Variants in FAM135A observed in about 807,000 individuals in gnomAD.
The protein encoded by FAM135A is family with sequence similarity 135 member A, also known as protein FAM135A.
In FAM135A, 79 loss-of-function variants were observed where a neutral mutation model predicts 146.8. The ratio of observed to expected loss-of-function variants is 0.54; its 90% CI spans 0.45 to 0.65. The LOEUF (loss-of-function observed/expected upper bound fraction) is 0.65. Among genes scored for constraint, FAM135A ranks in the 30% least tolerant of loss-of-function variants. The pLI, the probability that FAM135A is intolerant of heterozygous loss-of-function variation, is 0.00. For synonymous variants in FAM135A, 562 were observed against 603.6 expected (o/e 0.93, Z 1.01); for missense variants, 1,623 against 1,758.2 (o/e 0.92, Z 1.38).
rs541373726 is a variant in FAM135A, at chr6:70,440,324, A to G, written c.77+11905A>G. On this transcript the variant is annotated intron_variant, in intron 4 of 21. Coordinates refer to ENST00000418814, the MANE Select transcript of FAM135A (RefSeq NM_001162529.3). Reference sequence around the variant, plus strand: ...TAATGGACCCATTAAACAGTTCCCTATCACTTAATTGATGGTACCCATTGA... The same window carrying G: ...TAATGGACCCATTAAACAGTTCCCTGTCACTTAATTGATGGTACCCATTGA... Among the ~76,000 whole-genome samples, 37 of 152,266 alleles carry G rather than the reference A, an allele frequency of 2.4e-4. No homozygotes were observed. The South Asian group carries it at 7.5e-3, about 31-fold the overall frequency.
At chr6:70,548,324 G>A (rs1417653380) in intron 20 of FAM135A, among the ~76,000 whole-genome samples, 1 of 152,104 alleles carries the variant, frequency 6.6e-6, no homozygotes, top group South Asian at 2.1e-4. Context: ...CTAGAAAACT[G>A]GTTACCAAGT....
intron 10 of FAM135A, among the ~76,000 whole-genome samples, chr6:70,485,982 A>G (rs1184693258): frequency 6.6e-6 from 1 of 152,256 alleles, no homozygotes; most frequent in Admixed American, 6.5e-5. Context: ...TGGCACATAC[A>G]TTTAAATTAA....
At position 70,472,978 on chromosome 6, in the gene FAM135A, T is replaced by G. The variant is rs141492540; in HGVS notation, c.158-2432T>G. Among the ~76,000 whole-genome samples, 60 of 152,334 alleles carry G rather than the reference T, an allele frequency of 3.9e-4. 1 individual carries two copies. In the East Asian group the frequency reaches 9.6e-3, roughly 24 times the overall value. On this transcript the variant is annotated intron_variant, in intron 5 of 21. Coordinates refer to ENST00000418814, the MANE Select transcript of FAM135A (RefSeq NM_001162529.3). ...CTTCCCAGCTTCTCCGCTGTAACATTACTCTTTTTCACTTTGCAATTAATG... is the reference window on the plus strand; with the variant it reads ...CTTCCCAGCTTCTCCGCTGTAACATGACTCTTTTTCACTTTGCAATTAATG...
At chr6:70,436,165 C>T (rs900023464) in intron 4 of FAM135A, among the ~76,000 whole-genome samples, 3 of 131,668 alleles carry the variant, frequency 2.3e-5, no homozygotes, top group African/African-American at 8.6e-5. Flanking sequence ...GCCTGGGTGA[C>T]AAGAACAAGA....
chr6:70,496,252 G>C (rs1787216711), intron 11 of FAM135A, among the ~76,000 whole-genome samples: 1 of 152,092 alleles, frequency 6.6e-6, no homozygotes, highest in South Asian at 2.1e-4. Context: ...TTTCTCTAGT[G>C]ACCAGTGATG....
At chr6:70,486,796 C>T (rs148173667) in intron 10 of FAM135A, among the ~76,000 whole-genome samples, 3,219 of 152,018 alleles carry the variant, frequency 0.021, 106 homozygotes, top group African/African-American at 0.074. Flanking sequence ...GATGTGGTGG[C>T]GCATGTCTGT....
intron 11 of FAM135A, among the ~76,000 whole-genome samples, chr6:70,493,618 A>G (rs1388022872): frequency 6.6e-6 from 1 of 152,318 alleles, no homozygotes; most frequent in South Asian, 2.1e-4. Flanking sequence ...CAGAAAAAAT[A>G]TCTCCTCTTA....
chr6:70,531,888 CTTTTTTTTTTTTTT>C (rs869128532), intron 16 of FAM135A, among the ~76,000 whole-genome samples: 4 of 85,716 alleles, frequency 4.7e-5, no homozygotes, highest in African/African-American at 1.3e-4. Flanking sequence ...AAACTGATTT[CTTTTTTTTTTTTTT>C]TTTTTTTTTT....
intron 5 of FAM135A, among the ~76,000 whole-genome samples, chr6:70,467,524 T>G (rs1780698438): frequency 6.6e-6 from 1 of 152,152 alleles, no homozygotes; most frequent in Admixed American, 6.5e-5. Flanking sequence ...GAACTTCTTT[T>G]GTTTATAAGG....
chr6:70,545,314 A>G (rs1462308414), intron 20 of FAM135A, among the ~76,000 whole-genome samples: 1 of 152,134 alleles, frequency 6.6e-6, no homozygotes, highest in African/African-American at 2.4e-5. Context: ...AAAAAACACT[A>G]AAGAGTACTA....
chr6:70,477,010 T>A (rs1363785894), intron 7 of FAM135A, 149 bp from the exon 8 acceptor site: 55 of 741,908 alleles, frequency 7.4e-5, no homozygotes, highest in Non-Finnish European at 9.2e-5. Flanking sequence ...ATATTGCTTC[T>A]AATGCAACTT....
intron 5 of FAM135A, among the ~76,000 whole-genome samples, chr6:70,455,887 C>G (rs2128064380): frequency 6.6e-6 from 1 of 152,216 alleles, no homozygotes; most frequent in Admixed American, 6.5e-5. Flanking sequence ...GAGTCTTGCC[C>G]TATCGCCAGG....
intron 1 of FAM135A, 191 bp downstream of exon 1, chr6:70,413,893 C>T (rs1766850563): frequency 2.0e-6 from 2 of 984,960 alleles, no homozygotes; most frequent in Non-Finnish European, 2.4e-6. Flanking sequence ...GTGGGGACGG[C>T]GGTGCGGAGC....
chr6:70,438,899 G>A (rs914148912), intron 4 of FAM135A, among the ~76,000 whole-genome samples: 2 of 152,198 alleles, frequency 1.3e-5, no homozygotes, highest in African/African-American at 4.8e-5. Flanking sequence ...GCTTATGCCT[G>A]TAATCCCAGT....
At chr6:70,440,039 A>G (rs147044004) in intron 4 of FAM135A, among the ~76,000 whole-genome samples, 231 of 152,324 alleles carry the variant, frequency 1.5e-3, no homozygotes, top group African/African-American at 5.1e-3. Context: ...TCCCTCAGTC[A>G]TCTCATAAGT....
intron 15 of FAM135A, 50 bp downstream of exon 15, chr6:70,526,748 TATA>T: frequency 9.1e-7 from 1 of 1,093,424 alleles, no homozygotes; most frequent in Non-Finnish European, 1.3e-6. Context: ...TACATATATA[TATA>T]CACACACACA....
At chr6:70,465,247 A>T (rs867183575) in intron 5 of FAM135A, among the ~76,000 whole-genome samples, 1 of 152,224 alleles carries the variant, frequency 6.6e-6, no homozygotes, top group South Asian at 2.1e-4. Flanking sequence ...TAATATGTAC[A>T]TACCACACTA....
rs1782488164 is a variant in FAM135A at position 70,475,667 on chromosome 6, A to T, written c.302A>T (p.Glu101Val). Residue 101 changes from glutamate (E) to valine (V), a missense_variant, in exon 7 of 22, where the codon GAA (glutamate) becomes GTA (valine). Physicochemically the swap from Glu to Val is moderately radical, Grantham distance 121 (BLOSUM62 -2). Coordinates refer to ENST00000418814, the MANE Select transcript of FAM135A (RefSeq NM_001162529.3). Reference sequence around the variant, plus strand: ...CATAGTGTAATTTCTTTTCAGATTGAAGAAACCCTTGAGGAAATGAATTTT... The same window carrying T: ...CATAGTGTAATTTCTTTTCAGATTGTAGAAACCCTTGAGGAAATGAATTTT... ...VKMLLDERKIEETLEEMNFLL... is the reference protein window; with the variant it reads ...VKMLLDERKIVETLEEMNFLL... 1 of 1,609,622 alleles carries T rather than the reference A, an allele frequency of 6.2e-7. No homozygotes were observed. The highest frequency in any genetic ancestry group is 1.7e-5 in the Admixed American group (1 of 59,308).
Position 70,481,947 on chromosome 6 carries a change from A to G in FAM135A, c.670-54A>G, listed in dbSNP as rs916678245. The stretch of plus-strand genomic sequence containing the variant: ...TTTTCTTTATTTTTCCAAGTTTCAC[A>G]TGTAACATTTTGTATTACTGACACT... On this transcript the variant is annotated intron_variant, in intron 9 of 21. Coordinates refer to ENST00000418814, the MANE Select transcript of FAM135A (RefSeq NM_001162529.3). 4.0e-6 allele frequency: 6 copies of G among 1,492,752 alleles called. No individual in the cohort carries two copies. The African/African-American group carries it at 5.7e-5, about 14-fold the overall frequency. 92.5% of individuals were successfully genotyped at this position (1,492,752 alleles called of 1,614,324 possible).
Sources: gnomAD v4.1 joint callset for allele counts (sites outside exome capture counted in the v4.1 genomes callset) on GRCh38, gnomAD v4.1.1 for gene constraint, MANE v1.5 for transcripts, NCBI Gene and HGNC (gene_info 2026-07-23, HGNC 2026-07-21) for gene names.